PCNX1: variants seen among roughly 807,000 people sequenced by gnomAD.
The protein encoded by PCNX1 is pecanex 1.
PCNX1 carries 78 observed loss-of-function variants against 242.2 expected under a neutral mutation model. The ratio of observed to expected loss-of-function variants is 0.32; its 90% CI spans 0.27 to 0.39. PCNX1 has a LOEUF of 0.39. PCNX1 is among the 10% of genes least tolerant of loss of function. The pLI is 1.00. For synonymous variants in PCNX1, 1,024 were observed against 1,032.9 expected, an observed-to-expected ratio of 0.99 and a Z score of 0.17; for missense variants, 2,581 against 2,856.5, an observed-to-expected ratio of 0.90 and a Z score of 2.20.
At chr14:71,084,850 G>A (rs192607159) in intron 28 of PCNX1, among the ~76,000 whole-genome samples, 443 of 152,338 alleles carry the variant, frequency 2.9e-3, no homozygotes, top group Non-Finnish European at 4.9e-3. Flanking sequence ...TTCCAGGGGA[G>A]TGAACAGTTC....
intron 5 of PCNX1, among the ~76,000 whole-genome samples, chr14:70,970,791 T>A (rs192916593): frequency 9.0e-4 from 137 of 152,282 alleles, no homozygotes; most frequent in African/African-American, 3.1e-3. Context: ...GATACATAAA[T>A]AGTGGGCATG....
intron 26 of PCNX1, among the ~76,000 whole-genome samples, chr14:71,066,650 A>G (rs1014966090): frequency 1.3e-5 from 2 of 152,192 alleles, no homozygotes; most frequent in African/African-American, 4.8e-5. Flanking sequence ...AGTGTGTTGA[A>G]TATGAGTGGT....
At position 71,103,528 on chromosome 14, in the gene PCNX1, G is replaced by A. The variant is rs139442442; in HGVS notation, c.5954G>A (p.Cys1985Tyr). Reference protein sequence around the residue: ...QALRNMINSSCDQPIGYPIFV... With the variant: ...QALRNMINSSYDQPIGYPIFV... ...CTGAGAAACATGATAAACTCATCTT[G>A]TGATCAACCTATTGGCTACCCAATC... Residue 1985 changes from cysteine (C) to tyrosine (Y), a missense_variant, in exon 32 of 36, where the codon TGT becomes TAT. Transcript: ENST00000304743. The A allele has an allele frequency of 6.8e-6, 11 of 1,614,034 alleles. No homozygotes were observed. The highest frequency in any genetic ancestry group is 1.3e-5 in the African/African-American group (1 of 74,922).
intron 1 of PCNX1, among the ~76,000 whole-genome samples, chr14:70,926,690 G>A (rs1186031636): frequency 1.3e-5 from 2 of 152,012 alleles, no homozygotes; most frequent in Non-Finnish European, 2.9e-5. Flanking sequence ...CAGAGTTTAT[G>A]TTCTCAGTGG....
intron 28 of PCNX1, among the ~76,000 whole-genome samples, chr14:71,083,954 T>C (rs1360253359): frequency 6.6e-6 from 1 of 152,202 alleles, no homozygotes; most frequent in Non-Finnish European, 1.5e-5. Flanking sequence ...ATTTTCGGCC[T>C]TTTTGCACTG....
intron 30 of PCNX1, chr14:71,093,924 A>C (rs2062203825): frequency 6.6e-6 from 1 of 152,228 alleles, no homozygotes; most frequent in Non-Finnish European, 1.5e-5. Flanking sequence ...AATACAGTAT[A>C]TAATATGTAT....
At chr14:71,045,472 A>G (rs769142047) in intron 20 of PCNX1, among the ~76,000 whole-genome samples, 189 bp downstream of exon 20, 11 of 152,318 alleles carry the variant, frequency 7.2e-5, no homozygotes, top group South Asian at 2.1e-4. Flanking sequence ...TATGAGTATC[A>G]GTGCTACAGT....
intron 26 of PCNX1, among the ~76,000 whole-genome samples, chr14:71,068,446 GTA>G (rs962965685): frequency 6.7e-6 from 1 of 148,462 alleles, no homozygotes; most frequent in Non-Finnish European, 1.5e-5. Flanking sequence ...GTATGTATAT[GTA>G]TATATGTGTA....
At chr14:71,028,140 ATTG>A (rs979285757) in intron 15 of PCNX1, among the ~76,000 whole-genome samples, 1 of 151,714 alleles carries the variant, frequency 6.6e-6, no homozygotes, top group Non-Finnish European at 1.5e-5. Context: ...TATCTATTTC[ATTG>A]TTGTTGCTAT....
intron 28 of PCNX1, among the ~76,000 whole-genome samples, chr14:71,084,799 C>T (rs979495926): frequency 6.6e-6 from 1 of 152,172 alleles, no homozygotes; most frequent in Non-Finnish European, 1.5e-5. Flanking sequence ...GGGGTGGGAT[C>T]CACTGAGCTA....
At chr14:70,991,084 G>C (rs1005136321) in intron 7 of PCNX1, among the ~76,000 whole-genome samples, 2 of 151,892 alleles carry the variant, frequency 1.3e-5, no homozygotes, top group Non-Finnish European at 2.9e-5. Context: ...TCCTCTACTA[G>C]GTGGAATATT....
chr14:70,978,673 T>G (rs1445971759), intron 6 of PCNX1, 25 bp downstream of exon 6: 3 of 1,565,740 alleles, frequency 1.9e-6, no homozygotes, highest in Admixed American at 3.8e-5. Context: ...AGAAGAGATT[T>G]CTGTAAGACT....
At position 70,998,448 on chromosome 14, in the gene PCNX1, T is replaced by C. The variant is rs2059414030; in HGVS notation, c.2629+2523T>C. 3.3e-5 allele frequency among the ~76,000 whole-genome samples: 5 copies of C among 152,026 alleles called. No individual in the cohort carries two copies. In the South Asian group the frequency reaches 8.3e-4, roughly 25 times the overall value. ...TTTAGAATTTGAATTATAAGTGGCT[T>C]AATTTAAAAGGAAAAACTTAGGCTG... On this transcript the variant is annotated intron_variant, in intron 8 of 35. Transcript: ENST00000304743.
At chr14:70,980,216 G>A (rs1208981580) in intron 6 of PCNX1, among the ~76,000 whole-genome samples, 1 of 151,868 alleles carries the variant, frequency 6.6e-6, no homozygotes, top group Non-Finnish European at 1.5e-5. Context: ...TATTTAAAAT[G>A]TCATTTCCTT....
At chr14:71,057,766 G>A (rs756790065) in intron 26 of PCNX1, 42 bp downstream of exon 26, 6 of 1,302,424 alleles carry the variant, frequency 4.6e-6, no homozygotes, top group Non-Finnish European at 6.6e-6. Context: ...GCATACTCCT[G>A]TGGCACCTTA....
rs965126636 is a variant in PCNX1, at chr14:71,113,008, T to C, written c.*3073T>C. On this transcript the variant is annotated 3_prime_UTR_variant, in exon 36 of 36. Transcript: ENST00000304743. ...AACTTATACCTTGGTGTGAACTCTC[T>C]TTTTACACCATTTTCAACACTGGAT... The C allele has an allele frequency of 6.6e-6, 1 of 152,198 alleles. No homozygotes were observed. Among genetic ancestry groups the C allele is most frequent in the African/African-American group, 2.4e-5 (1 of 41,450 alleles). The allele number at this position is 152,198 out of a possible 1,614,324, so 9.4% of individuals were successfully genotyped here. A position where few individuals can be genotyped will look rare whatever the true frequency, so the allele number is the denominator to read the frequency against.
rs1051641816 is a variant in PCNX1 at position 71,033,830 on chromosome 14, A to G, written c.3669-101A>G. The stretch of plus-strand genomic sequence containing the variant: ...TTCTCATTTGGTAATGATTAAATAT[A>G]CTCGAATCATTTGGTTTTCTATCAT... On this transcript the variant is annotated intron_variant, in intron 17 of 35. Transcript: ENST00000304743. The G allele has an allele frequency of 4.3e-6, 3 of 690,666 alleles. No individual in the cohort carries two copies. In the African/African-American group the frequency reaches 5.5e-5, roughly 13 times the overall value. 42.8% of individuals were successfully genotyped at this position (690,666 alleles called of 1,614,324 possible). A position where few individuals can be genotyped will look rare whatever the true frequency, so the allele number is the denominator to read the frequency against.
At chr14:70,991,638 C>T (rs1326834383) in intron 7 of PCNX1, among the ~76,000 whole-genome samples, 1 of 152,144 alleles carries the variant, frequency 6.6e-6, no homozygotes, top group Non-Finnish European at 1.5e-5. Context: ...AAGCTGATTT[C>T]ATCATGGGTA....
chr14:70,999,937 A>AT, intron 8 of PCNX1, among the ~76,000 whole-genome samples: 1 of 152,296 alleles, frequency 6.6e-6, no homozygotes, highest in Middle Eastern at 3.4e-3. Context: ...GAGTCAGAGG[A>AT]CTGTAAGGGA....
Sources: gnomAD v4.1 joint callset for allele counts (sites outside exome capture counted in the v4.1 genomes callset) on GRCh38, gnomAD v4.1.1 for gene constraint, MANE v1.5 for transcripts, NCBI Gene and HGNC (gene_info 2026-07-23, HGNC 2026-07-21) for gene names.